SAE1: variants seen among roughly 807,000 people sequenced by gnomAD.
The protein encoded by SAE1 is SUMO-activating enzyme subunit 1.
Under a neutral mutation model 40.6 loss-of-function variants are expected in SAE1, and 11 were observed. That is an observed-to-expected ratio of 0.27 (90% CI 0.17 to 0.45). The LOEUF (loss-of-function observed/expected upper bound fraction) is 0.45. SAE1 is among the 20% of genes least tolerant of loss of function. The probability of loss-of-function intolerance (pLI) is 1.00; values close to 1 mark genes in which losing one functional copy is unlikely to be tolerated. For missense variants in SAE1, 373 were observed against 427.3 expected, an observed-to-expected ratio of 0.87 and a Z score of 1.12; for synonymous variants, 155 against 154.3, an observed-to-expected ratio of 1.00 and a Z score of -0.03.
At chr19:47,157,114 C>G (rs1187523096) in intron 5 of SAE1, among the ~76,000 whole-genome samples, 1 of 152,188 alleles carries the variant, frequency 6.6e-6, no homozygotes, top group Non-Finnish European at 1.5e-5. Flanking sequence ...AACTCTCAGA[C>G]TCTCCAGCAA....
chr19:47,179,581 T>C (rs1400130861), intron 6 of SAE1, among the ~76,000 whole-genome samples: 1 of 152,122 alleles, frequency 6.6e-6, no homozygotes, highest in Non-Finnish European at 1.5e-5. Flanking sequence ...GGTCTTGCTC[T>C]GTACCCCAGG....
At chr19:47,135,106 A>G (rs565126912) in intron 1 of SAE1, among the ~76,000 whole-genome samples, 1 of 152,254 alleles carries the variant, frequency 6.6e-6, no homozygotes, top group Admixed American at 6.6e-5. Flanking sequence ...ACAGGCATAC[A>G]ATGGGTAATA....
intron 1 of SAE1, among the ~76,000 whole-genome samples, chr19:47,140,923 A>G (rs2123187946): frequency 6.6e-6 from 1 of 152,124 alleles, no homozygotes; most frequent in East Asian, 1.9e-4. Flanking sequence ...GTCTTGGCTC[A>G]TTGAAACCTC....
chr19:47,158,290 G>T (rs913807801), intron 5 of SAE1, among the ~76,000 whole-genome samples: 6 of 152,194 alleles, frequency 3.9e-5, no homozygotes, highest in African/African-American at 1.4e-4. Flanking sequence ...CTAGGAAGCT[G>T]GTGGGCCTTT....
chr19:47,140,655 G>C (rs2058215855), intron 1 of SAE1, among the ~76,000 whole-genome samples: 1 of 151,676 alleles, frequency 6.6e-6, no homozygotes, highest in Admixed American at 6.6e-5. Context: ...AATCAGCCAG[G>C]TGCAGTGGTG....
intron 1 of SAE1, among the ~76,000 whole-genome samples, chr19:47,134,655 C>T (rs1244346340): frequency 2.6e-5 from 4 of 152,146 alleles, no homozygotes; most frequent in African/African-American, 7.2e-5. Context: ...AAGGGTTAAT[C>T]GAAGGGGTTT....
At chr19:47,139,950 T>A (rs1305879543) in intron 1 of SAE1, among the ~76,000 whole-genome samples, 2 of 147,066 alleles carry the variant, frequency 1.4e-5, no homozygotes, top group Admixed American at 1.4e-4. Flanking sequence ...TTTTTTTTTT[T>A]TTTTTGAGAC....
In SAE1 at chr19:47,130,948, G is replaced by A. The variant is rs1568581034; in HGVS notation, c.18G>A (p.Glu6=). MVEKE[E]AGGGISEEEA... ...CCGGCGCCATGGTGGAGAAGGAGGA[G>A]GCTGGCGGCGGCATTAGCGAGGAGG... is the stretch of plus-strand genomic sequence containing the variant. Residue 6 remains glutamate, a synonymous_variant, in exon 1 of 9, where the codon GAG becomes GAA. Coordinates refer to ENST00000270225, the MANE Select transcript of SAE1 (RefSeq NM_005500.3). 1 of 1,550,118 alleles carries A rather than the reference G, an allele frequency of 6.5e-7. No homozygotes were observed.
At chr19:47,182,192 C>T (rs1030770453) in intron 6 of SAE1, among the ~76,000 whole-genome samples, 4 of 152,048 alleles carry the variant, frequency 2.6e-5, no homozygotes, top group Non-Finnish European at 4.4e-5. Flanking sequence ...CTTTGGATGC[C>T]GGCTGGATTT....
chr19:47,196,044 CT>C lies in SAE1; in HGVS notation c.734-1172del, dbSNP rs778913288. ...CCATCACACTCTGCCTCTTCCGGGT[CT>C]TTTTTTTTTTTTTTTTCCCAGACGG... On this transcript the variant is annotated intron_variant, in intron 6 of 8. Coordinates refer to ENST00000270225, the MANE Select transcript of SAE1 (RefSeq NM_005500.3). Among the ~76,000 whole-genome samples the C allele has an allele frequency of 6.2e-3, 811 of 129,910 alleles. 2 individuals carry two copies. Among genetic ancestry groups the C allele is most frequent in the African/African-American group, 0.015 (522 of 35,564 alleles). The allele number at this position is 129,910 out of a possible 152,430, so 85.2% of individuals were successfully genotyped here.
chr19:47,182,648 C>T (rs1352286663), intron 6 of SAE1, among the ~76,000 whole-genome samples: 1 of 152,126 alleles, frequency 6.6e-6, no homozygotes, highest in Admixed American at 6.6e-5. Flanking sequence ...CAGTGCCTTA[C>T]AGCAGAGAGC....
At chr19:47,189,759 G>T (rs1186534897) in intron 6 of SAE1, among the ~76,000 whole-genome samples, 1 of 152,014 alleles carries the variant, frequency 6.6e-6, no homozygotes, top group African/African-American at 2.4e-5. Context: ...AGCAATTAGG[G>T]GCTAATTTGT....
At chr19:47,199,865 A>T (rs150637960) in intron 7 of SAE1, among the ~76,000 whole-genome samples, 1 of 151,972 alleles carries the variant, frequency 6.6e-6, no homozygotes, top group Non-Finnish European at 1.5e-5. Context: ...CAGTGTCATC[A>T]GCCGCTGACC....
intron 5 of SAE1, among the ~76,000 whole-genome samples, chr19:47,159,780 G>T (rs2058347230): frequency 6.6e-6 from 1 of 152,076 alleles, no homozygotes; most frequent in Non-Finnish European, 1.5e-5. Context: ...TGCAGCCTCT[G>T]CCTCCTGGGT....
At chr19:47,139,824 A>G (rs1467903407) in intron 1 of SAE1, among the ~76,000 whole-genome samples, 1 of 145,382 alleles carries the variant, frequency 6.9e-6, no homozygotes, top group Non-Finnish European at 1.5e-5. Context: ...GATGATCTCA[A>G]TCTCCTGACC....
chr19:47,209,016 C>T (rs2123334585), intron 8 of SAE1, 143 bp from the exon 9 acceptor site: 1 of 658,072 alleles, frequency 1.5e-6, no homozygotes. Flanking sequence ...TCAAAATTGT[C>T]TCCAGACATT....
intron 6 of SAE1, among the ~76,000 whole-genome samples, chr19:47,191,707 AT>A (rs894810671): frequency 1.3e-5 from 2 of 150,420 alleles, no homozygotes; most frequent in Non-Finnish European, 3.0e-5. Flanking sequence ...AGAGGAGGTG[AT>A]TTTTTTTTTC....
chr19:47,153,252 G>A (rs886919134), intron 4 of SAE1, among the ~76,000 whole-genome samples: 2 of 151,986 alleles, frequency 1.3e-5, no homozygotes, highest in African/African-American at 4.8e-5. Flanking sequence ...CTGCTGACAT[G>A]TTTTCAAGTT....
chr19:47,189,252 C>T (rs1488863567), intron 6 of SAE1, among the ~76,000 whole-genome samples: 1 of 152,156 alleles, frequency 6.6e-6, no homozygotes, highest in Non-Finnish European at 1.5e-5. Flanking sequence ...GATAGCGACT[C>T]TCCATAAAGT....
Sources: allele counts gnomAD v4.1 joint callset (sites outside exome capture counted in the v4.1 genomes callset), GRCh38; gene constraint gnomAD v4.1.1; transcripts MANE v1.5; gene names NCBI Gene and HGNC (gene_info 2026-07-23, HGNC 2026-07-21).